Variants in PIGB observed in about 807,000 individuals in gnomAD.
The protein encoded by PIGB is GPI alpha-1,2-mannosyltransferase 3.
In PIGB, 58 loss-of-function variants were observed where a neutral mutation model predicts 68.4. That is an observed-to-expected ratio of 0.85 (90% CI 0.69 to 1.06). PIGB has a LOEUF of 1.06. Among genes scored for constraint, PIGB ranks in the 50% least tolerant of loss-of-function variants. The probability of loss-of-function intolerance (pLI) is 0.00; values close to 1 mark genes in which losing one functional copy is unlikely to be tolerated. For missense variants in PIGB, 634 were observed against 655.8 expected, an observed-to-expected ratio of 0.97 and a Z score of 0.36; for synonymous variants, 219 against 220.5, an observed-to-expected ratio of 0.99 and a Z score of 0.06.
rs761342771 is a variant in PIGB, at chr15:55,355,390, A to G, written c.1623A>G (p.Glu541=). 2.5e-6 allele frequency: 4 copies of G among 1,610,666 alleles called. No individual in the cohort carries two copies. The South Asian group carries it at 4.4e-5, about 18-fold the overall frequency. The change falls in exon 12 of 12, where the codon GAA becomes GAG. Residue 541 remains glutamate (E), a synonymous_variant. Coordinates refer to ENST00000164305, the MANE Select transcript of PIGB (RefSeq NM_004855.5). ...TTGGAAGTCACATATATGTCTATGA[A>G]CGGAAGTTAAAAGGGAAATTCAACA... The part of the protein sequence containing the change: ...GRIGSHIYVY[E]RKLKGKFNMK...
intron 1 of PIGB, 133 bp downstream of exon 1, chr15:55,319,546 G>C: frequency 1.6e-6 from 1 of 630,858 alleles, no homozygotes; most frequent in Non-Finnish European, 2.6e-6. Context: ...GGAAATGCTG[G>C]AAACACAGAT....
At chr15:55,321,151 G>A (rs1322079650) in intron 2 of PIGB, 122 bp from the exon 3 acceptor site, 2 of 701,740 alleles carry the variant, frequency 2.9e-6, no homozygotes, top group African/African-American at 3.7e-5. Flanking sequence ...TGTAGAGGCA[G>A]GACCACTTGA....
At chr15:55,321,496 C>A in intron 3 of PIGB, 106 bp downstream of exon 3, 2 of 818,548 alleles carry the variant, frequency 2.4e-6, no homozygotes, top group Non-Finnish European at 3.8e-6. Flanking sequence ...CATGATACTA[C>A]AGACATACTG....
chr15:55,324,711 A>G, intron 3 of PIGB: 1 of 462,722 alleles, frequency 2.2e-6, no homozygotes. Context: ...GCTTTTTAAT[A>G]GCTACCTCAC....
chr15:55,355,166 TAATTCTTTTATTAAGCAA>T (rs1423445480), intron 11 of PIGB, 102 bp from the exon 12 acceptor site: 14 of 928,434 alleles, frequency 1.5e-5, no homozygotes, highest in Admixed American at 1.2e-4. Context: ...TCCTATAAGT[TAATTCTTTTATTAAGCAA>T]AAAGTTGTAG....
intron 5 of PIGB, among the ~76,000 whole-genome samples, chr15:55,330,242 G>C (rs2055383880): frequency 6.6e-6 from 1 of 152,166 alleles, no homozygotes; most frequent in South Asian, 2.1e-4. Context: ...CCAGCCTTTA[G>C]CAATAATGAG....
intron 3 of PIGB, among the ~76,000 whole-genome samples, chr15:55,323,213 AGT>A (rs1465736421): frequency 6.6e-6 from 1 of 152,232 alleles, no homozygotes; most frequent in African/African-American, 2.4e-5. Context: ...AGGTTGGAGA[AGT>A]GAAGTAAATA....
At chr15:55,339,209 A>T (rs371585150) in intron 6 of PIGB, 58 bp from the exon 7 acceptor site, 1 of 1,242,138 alleles carries the variant, frequency 8.1e-7, no homozygotes. Flanking sequence ...GCCATATGCT[A>T]ATAGTGGATT....
Position 55,340,820 on chromosome 15 carries a change from A to G in PIGB, c.1055A>G (p.Tyr352Cys), listed in dbSNP as rs1595791744. Residue 352 changes from tyrosine (Y) to cysteine (C), a missense_variant, in exon 8 of 12, where the codon TAT (tyrosine) becomes TGT (cysteine). Tyr to Cys is a radical substitution (Grantham distance 194). Transcript: ENST00000164305. ...LVTVLWTLLV[Y>C]SMLSHKEFRF... The stretch of plus-strand genomic sequence containing the variant: ...ACTGTGCTGTGGACACTGCTTGTTT[A>G]TAGGTAAGATTTTATTTGTTCAAAA... The G allele has an allele frequency of 3.2e-6, 5 of 1,571,096 alleles. No individual in the cohort carries two copies. Among genetic ancestry groups the G allele is most frequent in the Non-Finnish European group, 4.3e-6 (5 of 1,154,018 alleles).
chr15:55,320,883 T>C (rs552428359), intron 2 of PIGB, among the ~76,000 whole-genome samples: 26 of 152,318 alleles, frequency 1.7e-4, no homozygotes, highest in Non-Finnish European at 2.9e-4. Context: ...TATACAAATA[T>C]TTCTCCTGTA....
At chr15:55,353,311 G>C (rs2055966962) in intron 10 of PIGB, among the ~76,000 whole-genome samples, 1 of 152,212 alleles carries the variant, frequency 6.6e-6, no homozygotes, top group Non-Finnish European at 1.5e-5. Flanking sequence ...AGAAAGACTA[G>C]AGTAGGCCGG....
chr15:55,331,642 G>A (rs2055416900), intron 5 of PIGB, among the ~76,000 whole-genome samples: 1 of 152,100 alleles, frequency 6.6e-6, no homozygotes, highest in Non-Finnish European at 1.5e-5. Flanking sequence ...GAACCCAGGA[G>A]GCAGGGGTTG....
chr15:55,354,310 C>CAA (rs111863140), intron 10 of PIGB, among the ~76,000 whole-genome samples: 8 of 138,564 alleles, frequency 5.8e-5, no homozygotes, highest in African/African-American at 1.6e-4. Flanking sequence ...CTCTTGTCTT[C>CAA]AAAAAAAAAA....
At chr15:55,326,544 T>C (rs535651395) in intron 3 of PIGB, among the ~76,000 whole-genome samples, 18 of 152,162 alleles carry the variant, frequency 1.2e-4, no homozygotes, top group Non-Finnish European at 2.6e-4. Flanking sequence ...AAAAACCTGT[T>C]GTTGCTAATG....
At chr15:55,325,194 C>T (rs1038337511) in intron 3 of PIGB, among the ~76,000 whole-genome samples, 4 of 151,866 alleles carry the variant, frequency 2.6e-5, no homozygotes, top group African/African-American at 7.3e-5. Context: ...GGCATGGTGG[C>T]GGGCACCTGT....
In PIGB at chr15:55,347,407, G is replaced by A. The variant is rs1026523254; in HGVS notation, c.1124-3292G>A. ...ATGCCACTTGCACTCCCGCCTGGGC[G>A]AAAGAGCGAGAGTCCATCTCAAAAA... On this transcript the variant is annotated intron_variant, in intron 9 of 11. Coordinates refer to ENST00000164305, the MANE Select transcript of PIGB (RefSeq NM_004855.5). Among the ~76,000 whole-genome samples the A allele has an allele frequency of 3.9e-5, 6 of 152,230 alleles. No homozygotes were observed. In the East Asian group the frequency reaches 5.8e-4, roughly 15 times the overall value.
chr15:55,334,325 T>C (rs1220624481), intron 6 of PIGB, among the ~76,000 whole-genome samples: 2 of 152,246 alleles, frequency 1.3e-5, no homozygotes, highest in East Asian at 1.9e-4. Context: ...TAATTCATAA[T>C]GTGTTTTCAC....
Position 55,319,316 on chromosome 15 carries a change from T to A in PIGB, c.66T>A (p.His22Gln). 1 of 1,599,228 alleles carries A rather than the reference T, an allele frequency of 6.3e-7. No homozygotes were observed. Among genetic ancestry groups the A allele is most frequent in the Non-Finnish European group, 8.5e-7 (1 of 1,173,332 alleles). Residue 22 changes from histidine to glutamine, a missense_variant, in exon 1 of 12, where the codon CAT becomes CAA. His to Gln is a conservative substitution (Grantham distance 24). Coordinates refer to ENST00000164305, the MANE Select transcript of PIGB (RefSeq NM_004855.5). ...GCGGAGATGCCAGCCTCACTTTGCATGGTCTCCAGAACCGCTCCCACGGCA... is the reference window on the plus strand; with the variant it reads ...GCGGAGATGCCAGCCTCACTTTGCAAGGTCTCCAGAACCGCTCCCACGGCA... ...PGGGDASLTL[H>Q]GLQNRSHGKI...
rs757975234 is a variant in PIGB, at chr15:55,350,772, C to T, written c.1197C>T (p.Leu399=). ...TCCTGTTTTTATCAAATTTGTTCCTCGCCCTTTATACTGGTTTAGTTCATC... is the reference window on the plus strand; with the variant it reads ...TCCTGTTTTTATCAAATTTGTTCCTTGCCCTTTATACTGGTTTAGTTCATC... ...LSFLFLSNLF[L]ALYTGLVHQR... is the part of the protein sequence containing the mutation. Residue 399 remains leucine, a synonymous_variant, in exon 10 of 12, where the codon CTC becomes CTT. Transcript: ENST00000164305. The T allele has an allele frequency of 1.9e-5, 31 of 1,613,336 alleles. 1 individual carries two copies. Among genetic ancestry groups the T allele is most frequent in the South Asian group, 3.3e-5 (3 of 91,066 alleles).
Sources: allele counts gnomAD v4.1 joint callset (sites outside exome capture counted in the v4.1 genomes callset), GRCh38; gene constraint gnomAD v4.1.1; transcripts MANE v1.5; gene names NCBI Gene and HGNC (gene_info 2026-07-23, HGNC 2026-07-21).